GALNT18: variants seen among roughly 807,000 people sequenced by gnomAD.
GALNT18 encodes GalNAc-transferase 18.
In GALNT18, 44 loss-of-function variants were observed where a neutral mutation model predicts 69.5. That is an observed-to-expected ratio of 0.63 (90% CI 0.50 to 0.81). The LOEUF (loss-of-function observed/expected upper bound fraction) is 0.81, where lower values mean the gene tolerates loss of function less well. Among genes scored for constraint, GALNT18 ranks in the 40% least tolerant of loss-of-function variants. GALNT18 has a pLI of 0.00. For missense variants in GALNT18, 715 were observed against 810.0 expected (o/e 0.88, Z 1.42); for synonymous variants, 364 against 318.2 (o/e 1.14, Z -1.53).
chr11:11,393,472 T>C (rs58243993), intron 3 of GALNT18, among the ~76,000 whole-genome samples: 19,125 of 152,346 alleles, frequency 0.13, 1,282 homozygotes, highest in Middle Eastern at 0.27. Flanking sequence ...GCTAAAGGCA[T>C]GCCCTTGTCA....
intron 9 of GALNT18, among the ~76,000 whole-genome samples, chr11:11,298,529 C>T (rs4261280): frequency 0.46 from 70,403 of 152,132 alleles, 17,169 homozygotes; most frequent in Middle Eastern, 0.57. Context: ...CCACTGCCTC[C>T]GCCCAGTCCC....
intron 10 of GALNT18, among the ~76,000 whole-genome samples, chr11:11,275,338 G>GTCT (rs200216986): frequency 0.36 from 54,561 of 151,918 alleles, 10,610 homozygotes; most frequent in Non-Finnish European, 0.45. Flanking sequence ...CTGCATAAAT[G>GTCT]TCTTTTGAGA....
intron 9 of GALNT18, among the ~76,000 whole-genome samples, chr11:11,295,886 A>AT: frequency 6.6e-6 from 1 of 152,318 alleles, no homozygotes; most frequent in East Asian, 1.9e-4. Flanking sequence ...ACAAGAGGCA[A>AT]GGGGAGCCTC....
intron 3 of GALNT18, among the ~76,000 whole-genome samples, chr11:11,393,903 C>T (rs1322834695): frequency 6.6e-6 from 1 of 152,206 alleles, no homozygotes; most frequent in African/African-American, 2.4e-5. Context: ...AAATATTGCT[C>T]CTTCTCACTT....
chr11:11,312,382 A>G (rs922896410), intron 9 of GALNT18, among the ~76,000 whole-genome samples: 3 of 152,244 alleles, frequency 2.0e-5, no homozygotes, highest in African/African-American at 7.2e-5. Flanking sequence ...CTTACAATAA[A>G]GTAAGCTAGA....
Position 11,602,106 on chromosome 11 carries a change from G to T in GALNT18, c.235+19253C>A, listed in dbSNP as rs768263759. Among the ~76,000 whole-genome samples the T allele has an allele frequency of 6.6e-6, 1 of 152,158 alleles. No individual in the cohort carries two copies. Among genetic ancestry groups the T allele is most frequent in the Non-Finnish European group, 1.5e-5 (1 of 68,020 alleles). On this transcript the variant is annotated intron_variant, in intron 1 of 10. Coordinates refer to ENST00000227756, the MANE Select transcript of GALNT18 (RefSeq NM_198516.3). This position sits in a 1 kb window ranked among gnomAD's most constrained non-coding sequence, Gnocchi z 4.7. ...TCCTACAGCCTGCCCCTATCCCTGG[G>T]CAGAATATCTATACCACTGCTCTGG...
rs993839200 is a variant in GALNT18, at chr11:11,368,691, C to T, written c.1092+3824G>A. 5.3e-5 allele frequency among the ~76,000 whole-genome samples: 8 copies of T among 152,048 alleles called. No homozygotes were observed. The South Asian group carries it at 8.3e-4, about 16-fold the overall frequency. ...TCATGTTTGAAATTCCATTTTTATC[C>T]TACTATGACTGATTATTTTTATAGT... On this transcript the variant is annotated intron_variant, in intron 6 of 10. Transcript: ENST00000227756.
chr11:11,271,792 C>T (rs1384456544), intron 10 of GALNT18, among the ~76,000 whole-genome samples: 1 of 152,172 alleles, frequency 6.6e-6, no homozygotes, highest in Non-Finnish European at 1.5e-5. Context: ...GGCCACTGGG[C>T]CCCCTAAGTC....
At chr11:11,608,775 T>G (rs987655082) in intron 1 of GALNT18, among the ~76,000 whole-genome samples, 4 of 152,182 alleles carry the variant, frequency 2.6e-5, no homozygotes, top group African/African-American at 4.8e-5. Context: ...CTGCACACTC[T>G]CTTCCACCAC....
chr11:11,373,779 C>T (rs866004300), intron 5 of GALNT18, among the ~76,000 whole-genome samples: 2 of 152,252 alleles, frequency 1.3e-5, no homozygotes, highest in Non-Finnish European at 2.9e-5. Context: ...CACGGGGCTA[C>T]TTCTCTGCTG....
In GALNT18 at chr11:11,619,710, T is replaced by C. The variant is rs1860140210; in HGVS notation, c.235+1649A>G. Among the ~76,000 whole-genome samples the C allele has an allele frequency of 6.6e-6, 1 of 152,156 alleles. No individual in the cohort carries two copies. Among genetic ancestry groups the C allele is most frequent in the Non-Finnish European group, 1.5e-5 (1 of 68,014 alleles). On this transcript the variant is annotated intron_variant, in intron 1 of 10. Transcript: ENST00000227756. This position sits in a 1 kb window ranked among gnomAD's most constrained non-coding sequence, Gnocchi z 4.9. Reference sequence around the variant, plus strand: ...TCCTGGGGAACATTCTGAATCACCCTGGGGGAAACACTGTACTTCTATTGC... The same window carrying C: ...TCCTGGGGAACATTCTGAATCACCCCGGGGGAAACACTGTACTTCTATTGC...
intron 9 of GALNT18, among the ~76,000 whole-genome samples, chr11:11,300,818 CCA>C: frequency 6.6e-6 from 1 of 152,206 alleles, no homozygotes; most frequent in Non-Finnish European, 1.5e-5. Flanking sequence ...AACCTATAAA[CCA>C]CAGTCTCAGG....
intron 1 of GALNT18, among the ~76,000 whole-genome samples, chr11:11,558,955 G>T (rs980870993): frequency 6.6e-6 from 1 of 152,228 alleles, no homozygotes; most frequent in Admixed American, 6.5e-5. Context: ...CACAGCACAG[G>T]AGTGAGCACC....
At chr11:11,272,328 C>T (rs1848845203) in intron 10 of GALNT18, among the ~76,000 whole-genome samples, 1 of 152,190 alleles carries the variant, frequency 6.6e-6, no homozygotes, top group Non-Finnish European at 1.5e-5. Flanking sequence ...CACACTTGCC[C>T]TGGTTCAGGC....
rs1314514896 is a variant in GALNT18, at chr11:11,439,166, C to T, written c.429-6379G>A. On this transcript the variant is annotated intron_variant, in intron 2 of 10. Coordinates refer to ENST00000227756, the MANE Select transcript of GALNT18 (RefSeq NM_198516.3). The surrounding 1 kb of genome is among the most constrained non-coding windows in gnomAD (Gnocchi z 4.4). ...GATCCTAAGAAGATGATAAGTGAGG[C>T]GCAGGGGAGCAGAAATGATGAATAG... is the stretch of plus-strand genomic sequence containing the variant. Among the ~76,000 whole-genome samples the T allele has an allele frequency of 3.9e-5, 6 of 152,116 alleles. No individual in the cohort carries two copies. The South Asian group carries it at 8.3e-4, about 21-fold the overall frequency.
rs559499904 is a variant in GALNT18 at position 11,413,785 on chromosome 11, T to C, written c.595+18836A>G. The stretch of plus-strand genomic sequence containing the variant: ...AAGAGGATGACTGTGGAGCTAGCTG[T>C]GCAGCCAAGCCAGGCTCAGCCTGTC... On this transcript the variant is annotated intron_variant, in intron 3 of 10. Transcript: ENST00000227756. The surrounding 1 kb of genome is among the most constrained non-coding windows in gnomAD (Gnocchi z 4.7). Among the ~76,000 whole-genome samples, 1 of 152,314 alleles carries C rather than the reference T, an allele frequency of 6.6e-6. No individual in the cohort carries two copies. The highest frequency in any genetic ancestry group is 1.9e-4 in the East Asian group (1 of 5,174).
intron 1 of GALNT18, among the ~76,000 whole-genome samples, chr11:11,513,744 G>A (rs1230923414): frequency 6.6e-6 from 1 of 152,188 alleles, no homozygotes; most frequent in Non-Finnish European, 1.5e-5. Flanking sequence ...ACAGTTTTAT[G>A]TCTCCAATGA....
rs1045499063 is a variant in GALNT18, at chr11:11,444,656, A to C, written c.428+4088T>G. ...AGATTACATCTTTCAGTACCAAGAA[A>C]AAAAGGAGACAAAGTAAGTGACTAG... On this transcript the variant is annotated intron_variant, in intron 2 of 10. Transcript: ENST00000227756. The surrounding 1 kb of genome is among the most constrained non-coding windows in gnomAD (Gnocchi z 4.4). 6.6e-6 allele frequency among the ~76,000 whole-genome samples: 1 copy of C among 152,236 alleles called. No homozygotes were observed. The highest frequency in any genetic ancestry group is 1.5e-5 in the Non-Finnish European group (1 of 68,050).
At chr11:11,519,021 G>C (rs1857339909) in intron 1 of GALNT18, among the ~76,000 whole-genome samples, 1 of 152,172 alleles carries the variant, frequency 6.6e-6, no homozygotes, top group African/African-American at 2.4e-5. Context: ...TCCGGCAATG[G>C]AGATGCCACA....
Sources: allele counts gnomAD v4.1 joint callset (sites outside exome capture counted in the v4.1 genomes callset), GRCh38; gene constraint gnomAD v4.1.1; non-coding constraint Gnocchi (gnomAD v3.1); transcripts MANE v1.5; gene names NCBI Gene and HGNC (gene_info 2026-07-23, HGNC 2026-07-21).